The following DLG2 variants were observed in gnomAD, a reference collection of about 807,000 sequenced individuals.
The protein encoded by DLG2 is discs large MAGUK scaffold protein 2, also known as disks large homolog 2.
Under a neutral mutation model 132.5 loss-of-function variants are expected in DLG2, and 45 were observed. The ratio of observed to expected loss-of-function variants is 0.34; its 90% CI spans 0.27 to 0.44. The LOEUF (loss-of-function observed/expected upper bound fraction) is 0.44. DLG2 is among the 20% of genes least tolerant of loss of function. DLG2 has a pLI of 1.00. For synonymous variants in DLG2, 424 were observed against 419.6 expected (o/e 1.01, Z -0.13); for missense variants, 1,045 against 1,196.9 (o/e 0.87, Z 1.87).
At chr11:84,826,711 C>T (rs973730873) in intron 6 of DLG2, among the ~76,000 whole-genome samples, 13 of 151,678 alleles carry the variant, frequency 8.6e-5, no homozygotes, top group African/African-American at 3.1e-4. Flanking sequence ...GCATAGAGGG[C>T]ACACTGGCAC....
intron 19 of DLG2, among the ~76,000 whole-genome samples, chr11:83,588,778 T>C (rs1224338287): frequency 1.3e-5 from 2 of 151,508 alleles, no homozygotes; most frequent in African/African-American, 4.9e-5. Flanking sequence ...GAATAACCAA[T>C]ACAGAGAAGT....
chr11:84,638,903 T>C (rs949509111), intron 6 of DLG2, among the ~76,000 whole-genome samples: 1 of 152,204 alleles, frequency 6.6e-6, no homozygotes, highest in African/African-American at 2.4e-5. Context: ...TTGTTGGCTA[T>C]CATCACCAGC....
At chr11:83,970,892 T>C (rs1312954816) in intron 12 of DLG2, among the ~76,000 whole-genome samples, 2 of 152,204 alleles carry the variant, frequency 1.3e-5, no homozygotes, top group Non-Finnish European at 2.9e-5. Context: ...GTGTGGTCTT[T>C]TTAAAAATTC....
At chr11:83,955,485 A>C (rs1286656261) in intron 14 of DLG2, among the ~76,000 whole-genome samples, 1 of 152,180 alleles carries the variant, frequency 6.6e-6, no homozygotes, top group Admixed American at 6.5e-5. Context: ...CTTCAAGCAA[A>C]AATAACAGCC....
At position 84,659,289 on chromosome 11, in the gene DLG2, A is replaced by G. The variant is rs1159497332; in HGVS notation, c.358-124558T>C. On this transcript the variant is annotated intron_variant, in intron 6 of 27. Transcript: ENST00000376104. ...AATTTGAAGTCCTGTCTGTCCCTGG[A>G]CCCTCTCTCTAAAGTGTGGGCTCTC... Among the ~76,000 whole-genome samples the G allele has an allele frequency of 3.3e-5, 5 of 151,402 alleles. 1 individual carries two copies. The highest frequency in any genetic ancestry group is 5.9e-5 in the Non-Finnish European group (4 of 67,842).
chr11:85,285,099 T>A, intron 4 of DLG2, 121 bp downstream of exon 4: 1 of 881,726 alleles, frequency 1.1e-6, no homozygotes, highest in Non-Finnish European at 1.7e-6. Context: ...CAGTATGGTA[T>A]AACTACATTT....
intron 19 of DLG2, among the ~76,000 whole-genome samples, chr11:83,568,009 T>C (rs949385770): frequency 2.6e-5 from 4 of 152,298 alleles, no homozygotes; most frequent in Non-Finnish European, 5.9e-5. Context: ...TATGATCTTA[T>C]ATATGTAAAT....
chr11:84,742,952 T>C (rs1442396639), intron 6 of DLG2, among the ~76,000 whole-genome samples: 2 of 152,214 alleles, frequency 1.3e-5, no homozygotes, highest in Non-Finnish European at 2.9e-5. Context: ...TTACCTATTA[T>C]GAATAAAGCT....
At chr11:83,924,137 T>C (rs996443296) in intron 15 of DLG2, among the ~76,000 whole-genome samples, 1 of 152,116 alleles carries the variant, frequency 6.6e-6, no homozygotes, top group Non-Finnish European at 1.5e-5. Context: ...TTCATGAAAA[T>C]GCCCAGAAAA....
intron 3 of DLG2, among the ~76,000 whole-genome samples, chr11:85,412,481 A>G (rs769660298): frequency 2.8e-4 from 43 of 151,618 alleles, no homozygotes; most frequent in Non-Finnish European, 5.0e-4. Context: ...TGGGCAGTAT[A>G]CACTGCACCA....
At chr11:84,553,110 T>C (rs1302662836) in intron 6 of DLG2, among the ~76,000 whole-genome samples, 1 of 152,188 alleles carries the variant, frequency 6.6e-6, no homozygotes, top group Non-Finnish European at 1.5e-5. Flanking sequence ...AGGTGAGAAA[T>C]ACCTTGCTCT....
At chr11:83,660,154 A>C (rs1404950711) in intron 18 of DLG2, among the ~76,000 whole-genome samples, 2 of 152,186 alleles carry the variant, frequency 1.3e-5, no homozygotes, top group Non-Finnish European at 2.9e-5. Flanking sequence ...TTTTCTTTTG[A>C]GCATCTACTG....
At chr11:85,235,605 G>A (rs772837166) in intron 4 of DLG2, among the ~76,000 whole-genome samples, 1 of 151,910 alleles carries the variant, frequency 6.6e-6, no homozygotes, top group Non-Finnish European at 1.5e-5. Flanking sequence ...ATTACATGTA[G>A]AATGAAAAGT....
intron 19 of DLG2, among the ~76,000 whole-genome samples, chr11:83,625,686 T>C (rs943506765): frequency 9.2e-5 from 14 of 152,330 alleles, no homozygotes; most frequent in Admixed American, 4.6e-4. Context: ...TCAAGTTGTC[T>C]CACTAAGAGG....
rs1447604766 is a variant in DLG2, at chr11:83,725,081, A to G, written c.1825+61609T>C. On this transcript the variant is annotated intron_variant, in intron 18 of 27. Transcript: ENST00000376104. ...GAGCTAGTTTGAGATGCTTTGCAAC[A>G]CAAACAAGCCAATTTGAAAGATGGG... 10 of 562,958 alleles carry G rather than the reference A, an allele frequency of 1.8e-5. No homozygotes were observed. In the East Asian group the frequency reaches 2.5e-4, roughly 14 times the overall value. The allele number at this position is 562,958 out of a possible 1,614,324, so 34.9% of individuals were successfully genotyped here.
At position 84,561,691 on chromosome 11, in the gene DLG2, T is replaced by C. The variant is rs12801078; in HGVS notation, c.358-26960A>G. Among the ~76,000 whole-genome samples, 843 of 152,254 alleles carry C rather than the reference T, an allele frequency of 5.5e-3. 7 individuals carry two copies. The highest frequency in any genetic ancestry group is 1.0e-2 in the Non-Finnish European group (678 of 68,000). ...GAAAGAAATTTGTTCTTATAATCTA[T>C]AGCAAGAATGCAACACAAATGGGAA... On this transcript the variant is annotated intron_variant, in intron 6 of 27. Transcript: ENST00000376104.
At chr11:85,401,939 C>T (rs968339952) in intron 3 of DLG2, among the ~76,000 whole-genome samples, 7 of 151,824 alleles carry the variant, frequency 4.6e-5, no homozygotes, top group Admixed American at 3.9e-4. Context: ...AGATTCAATG[C>T]CATCCCCATC....
intron 6 of DLG2, among the ~76,000 whole-genome samples, chr11:84,968,441 C>G (rs2053617150): frequency 6.6e-6 from 1 of 152,056 alleles, no homozygotes; most frequent in Non-Finnish European, 1.5e-5. Flanking sequence ...AAGGTCAATA[C>G]ACCTAAAACT....
chr11:84,652,441 G>A (rs1638658738), intron 6 of DLG2, among the ~76,000 whole-genome samples: 1 of 152,112 alleles, frequency 6.6e-6, no homozygotes, highest in South Asian at 2.1e-4. Flanking sequence ...GGATCATTGT[G>A]GCATTCACTG....
Sources: allele counts gnomAD v4.1 joint callset (sites outside exome capture counted in the v4.1 genomes callset), GRCh38; gene constraint gnomAD v4.1.1; transcripts MANE v1.5; gene names NCBI Gene and HGNC (gene_info 2026-07-23, HGNC 2026-07-21).